ADPGK: variants seen among roughly 807,000 people sequenced by gnomAD.
ADPGK encodes the protein ADP dependent glucokinase.
In ADPGK, 26 loss-of-function variants were observed where a neutral mutation model predicts 42.4. The observed-to-expected ratio is 0.61, with a 90% CI of 0.45 to 0.85. The LOEUF (loss-of-function observed/expected upper bound fraction) is 0.85, where lower values mean the gene tolerates loss of function less well. Among genes scored for constraint, ADPGK ranks in the 40% least tolerant of loss-of-function variants. ADPGK has a pLI of 0.00. For missense variants in ADPGK, 571 were observed against 627.0 expected (o/e 0.91, Z 0.95); for synonymous variants, 267 against 252.6 (o/e 1.06, Z -0.54).
chr15:72,760,658 T>C, intron 3 of ADPGK, 131 bp from the exon 4 acceptor site: 1 of 1,271,254 alleles, frequency 7.9e-7, no homozygotes, highest in East Asian at 2.7e-5. Flanking sequence ...CAAATCTAAT[T>C]TTGAAAGCTG....
chr15:72,768,132 A>G (rs969060674), intron 3 of ADPGK, among the ~76,000 whole-genome samples: 15 of 152,136 alleles, frequency 9.9e-5, no homozygotes, highest in African/African-American at 3.6e-4. Flanking sequence ...ATAGAATACC[A>G]TAATTAACTT....
intron 3 of ADPGK, among the ~76,000 whole-genome samples, chr15:72,764,605 A>G (rs1237871760): frequency 6.6e-6 from 1 of 152,238 alleles, no homozygotes; most frequent in Non-Finnish European, 1.5e-5. Flanking sequence ...AAGTTATCCA[A>G]AAGATCTAGC....
At chr15:72,753,982 G>A (rs2066079481) in intron 6 of ADPGK, among the ~76,000 whole-genome samples, 1 of 151,972 alleles carries the variant, frequency 6.6e-6, no homozygotes, top group African/African-American at 2.4e-5. Context: ...GCAGGCTGCT[G>A]GTAGTTGGGG....
intron 1 of ADPGK, 120 bp downstream of exon 1, chr15:72,783,339 G>A (rs1477539239): frequency 1.6e-6 from 2 of 1,289,708 alleles, no homozygotes; most frequent in South Asian, 2.5e-5. Context: ...CTCGCCAAGG[G>A]GCCAGCGCGG....
chr15:72,775,822 T>C (rs888095457), intron 1 of ADPGK, among the ~76,000 whole-genome samples: 29 of 152,274 alleles, frequency 1.9e-4, no homozygotes, highest in African/African-American at 6.7e-4. Context: ...CTGCCACTCC[T>C]GGTTGTCTCG....
At chr15:72,775,182 A>G (rs1315279954) in intron 1 of ADPGK, 85 bp from the exon 2 acceptor site, 1 of 1,146,844 alleles carries the variant, frequency 8.7e-7, no homozygotes, top group Non-Finnish European at 1.3e-6. Context: ...TGTTTCTCAG[A>G]ACCTTATTCA....
At chr15:72,754,551 A>G (rs2066088338) in intron 6 of ADPGK, among the ~76,000 whole-genome samples, 1 of 152,156 alleles carries the variant, frequency 6.6e-6, no homozygotes, top group African/African-American at 2.4e-5. Flanking sequence ...CTTTCTCCTA[A>G]ATATGGACTT....
intron 1 of ADPGK, chr15:72,783,221 A>C (rs1322594934): frequency 1.6e-6 from 2 of 1,228,390 alleles, no homozygotes; most frequent in East Asian, 6.4e-5. Context: ...CGGGATTAGC[A>C]AGAAGCTGTT....
intron 3 of ADPGK, among the ~76,000 whole-genome samples, chr15:72,767,741 G>C (rs1401644102): frequency 6.6e-6 from 1 of 151,882 alleles, no homozygotes; most frequent in African/African-American, 2.4e-5. Context: ...TAAATCAAAG[G>C]GATATTAGTA....
chr15:72,754,737 T>G (rs2066090033), intron 6 of ADPGK, among the ~76,000 whole-genome samples: 1 of 152,210 alleles, frequency 6.6e-6, no homozygotes, highest in Non-Finnish European at 1.5e-5. Flanking sequence ...ATACTCTCCA[T>G]GTTAGTGATG....
At chr15:72,757,169 C>T (rs2066125814) in intron 4 of ADPGK, 1 of 152,144 alleles carries the variant, frequency 6.6e-6, no homozygotes, top group Non-Finnish European at 1.5e-5. Flanking sequence ...AGGACTGAGG[C>T]ACATGATTTT....
At chr15:72,783,366 G>A (rs1039049246) in intron 1 of ADPGK, 93 bp downstream of exon 1, 263 of 1,298,496 alleles carry the variant, frequency 2.0e-4, no homozygotes, top group Non-Finnish European at 2.5e-4. Context: ...GCGCCTCCCG[G>A]GGACCTCTGA....
At chr15:72,777,632 C>A (rs867503389) in intron 1 of ADPGK, among the ~76,000 whole-genome samples, 1 of 151,674 alleles carries the variant, frequency 6.6e-6, no homozygotes, top group Non-Finnish European at 1.5e-5. Context: ...GAGCTGAGAT[C>A]GTGCCATGGT....
chr15:72,771,119 G>A (rs180695646), intron 3 of ADPGK, among the ~76,000 whole-genome samples: 14 of 152,262 alleles, frequency 9.2e-5, no homozygotes, highest in African/African-American at 2.2e-4. Context: ...GGAAAACAGC[G>A]ATAACTTTCT....
chr15:72,775,186 T>G (rs1454135874), intron 1 of ADPGK, 89 bp from the exon 2 acceptor site: 2 of 1,136,020 alleles, frequency 1.8e-6, no homozygotes, highest in Admixed American at 2.1e-5. Flanking sequence ...TCTCAGAACC[T>G]TATTCAACAG....
chr15:72,783,144 T>C, intron 1 of ADPGK: 1 of 1,007,382 alleles, frequency 9.9e-7, no homozygotes, highest in Non-Finnish European at 1.2e-6. Context: ...AAAACAACAG[T>C]CGCCAGAAGA....
Position 72,756,281 on chromosome 15 carries a change from G to C in ADPGK, c.810C>G (p.Ser270Arg). ...LSGLHMMEGQ[S>R]KELQRKRLLE... The stretch of plus-strand genomic sequence containing the variant: ...AGAGTCTCTTCCTCTGGAGCTCCTT[G>C]CTTTGTCCCTCCATCATGTGCAATC... Residue 270 changes from serine to arginine, a missense_variant, in exon 5 of 7, where the codon AGC (serine) becomes AGG (arginine). This residue lies in a region of ADPGK where 434 missense variants were observed against 522.7 expected (regional missense o/e 0.83). Transcript: ENST00000456471. 7.4e-6 allele frequency: 12 copies of C among 1,614,212 alleles called. No homozygotes were observed. The highest frequency in any genetic ancestry group is 9.3e-6 in the Non-Finnish European group (11 of 1,180,038).
At position 72,783,702 on chromosome 15, in the gene ADPGK, G is replaced by A. The variant is rs1479027400; in HGVS notation, c.-11C>T. ...GCGCCACAGCGCCATGGGGACCCAG[G>A]CGCCGCACCTGCGCGAACCAACTCC... On this transcript the variant is annotated 5_prime_UTR_variant, in exon 1 of 7. Coordinates refer to ENST00000456471, the MANE Select transcript of ADPGK (RefSeq NM_001365225.1). 7 of 1,463,258 alleles carry A rather than the reference G, an allele frequency of 4.8e-6. No homozygotes were observed. The highest frequency in any genetic ancestry group is 6.3e-6 in the Non-Finnish European group (7 of 1,114,698). The allele number at this position is 1,463,258 out of a possible 1,614,324, so 90.6% of individuals were successfully genotyped here.
intron 3 of ADPGK, among the ~76,000 whole-genome samples, chr15:72,771,178 C>T (rs16957293): frequency 0.12 from 18,250 of 152,222 alleles, 1,833 homozygotes; most frequent in East Asian, 0.51. Flanking sequence ...AGAGAAACTT[C>T]TTACTCAGGT....
Sources: allele counts gnomAD v4.1 joint callset (sites outside exome capture counted in the v4.1 genomes callset), GRCh38; gene constraint gnomAD v4.1.1; regional missense constraint gnomAD v4.1.1; transcripts MANE v1.5; gene names NCBI Gene and HGNC (gene_info 2026-07-23, HGNC 2026-07-21).